The following EYS variants were observed in gnomAD, a reference collection of about 807,000 sequenced individuals.
EYS encodes EGF-like photoreceptor maintenance factor.
A neutral mutation model predicts 282.1 loss-of-function variants in EYS; 250 were observed. That is an observed-to-expected ratio of 0.89 (90% CI 0.80 to 0.98). The LOEUF is 0.98. EYS is among the 50% of genes least tolerant of loss of function. The pLI is 0.00. For missense variants in EYS, 4,016 were observed against 3,709.0 expected (o/e 1.08, Z -2.15); for synonymous variants, 1,355 against 1,282.9 (o/e 1.06, Z -1.20).
chr6:64,474,629 T>C (rs1776210252), intron 26 of EYS, among the ~76,000 whole-genome samples: 1 of 152,192 alleles, frequency 6.6e-6, no homozygotes, highest in Non-Finnish European at 1.5e-5. Flanking sequence ...TTCATCAGAA[T>C]TGATTTGACA....
At chr6:64,047,191 A>C (rs1770657484) in intron 33 of EYS, among the ~76,000 whole-genome samples, 1 of 151,956 alleles carries the variant, frequency 6.6e-6, no homozygotes, top group Admixed American at 6.6e-5. Flanking sequence ...TAAAAAAAAA[A>C]CAAGATAAAA....
At chr6:65,675,980 C>T (rs1768574052) in intron 1 of EYS, among the ~76,000 whole-genome samples, 2 of 151,790 alleles carry the variant, frequency 1.3e-5, no homozygotes, top group Admixed American at 6.6e-5. Flanking sequence ...AACTAACACA[C>T]TACCAATGGA....
At chr6:65,227,111 T>C (rs963251919) in intron 12 of EYS, among the ~76,000 whole-genome samples, 1 of 144,270 alleles carries the variant, frequency 6.9e-6, no homozygotes, top group Non-Finnish European at 1.5e-5. Context: ...TGCATGTCTG[T>C]AATCCCAGCT....
At position 64,281,109 on chromosome 6, in the gene EYS, A is replaced by G. The variant is rs553209481; in HGVS notation, c.6191+25861T>C. On this transcript the variant is annotated intron_variant, in intron 30 of 42. Transcript: ENST00000503581. ...AGCATTCTGCCCTAATATTCAAAATATAAACAAAAATTGATATACTTAATG... is the reference window on the plus strand; with the variant it reads ...AGCATTCTGCCCTAATATTCAAAATGTAAACAAAAATTGATATACTTAATG... 4.8e-4 allele frequency among the ~76,000 whole-genome samples: 73 copies of G among 152,258 alleles called. 1 individual carries two copies. The highest frequency in any genetic ancestry group is 3.4e-3 in the Middle Eastern group (1 of 294).
chr6:64,170,817 T>C (rs1211619896), intron 31 of EYS, among the ~76,000 whole-genome samples: 1 of 152,108 alleles, frequency 6.6e-6, no homozygotes, highest in African/African-American at 2.4e-5. Flanking sequence ...CTCATTTTTA[T>C]GTAGCATTTC....
intron 5 of EYS, among the ~76,000 whole-genome samples, chr6:65,476,219 C>G (rs1765399903): frequency 6.6e-6 from 1 of 152,070 alleles, no homozygotes; most frequent in East Asian, 1.9e-4. Context: ...TTTGTTTTAT[C>G]AAACAGAATA....
chr6:65,451,346 C>A (rs1764390044), intron 5 of EYS, among the ~76,000 whole-genome samples: 1 of 152,004 alleles, frequency 6.6e-6, no homozygotes, highest in Non-Finnish European at 1.5e-5. Context: ...ACAATTTTGA[C>A]CATGCTTTCA....
chr6:65,120,257 A>G (rs993393576), intron 12 of EYS, among the ~76,000 whole-genome samples: 1 of 151,508 alleles, frequency 6.6e-6, no homozygotes, highest in Non-Finnish European at 1.5e-5. Flanking sequence ...ATGAAAATCT[A>G]CCTCTTCCCC....
chr6:63,851,127 T>C (rs1435159294), intron 36 of EYS, among the ~76,000 whole-genome samples: 1 of 152,200 alleles, frequency 6.6e-6, no homozygotes, highest in Non-Finnish European at 1.5e-5. Flanking sequence ...GAGCTAACTA[T>C]TCTAAATATA....
At chr6:65,075,665 ATAC>A (rs1774027792) in intron 12 of EYS, among the ~76,000 whole-genome samples, 1 of 151,958 alleles carries the variant, frequency 6.6e-6, no homozygotes, top group Admixed American at 6.6e-5. Context: ...CCTACACAGA[ATAC>A]TAGTTCCTGC....
intron 22 of EYS, among the ~76,000 whole-genome samples, chr6:64,773,143 C>T (rs1773575314): frequency 6.6e-6 from 1 of 151,760 alleles, no homozygotes. Context: ...ACTTTCCACC[C>T]TCAAGTAGTC....
intron 5 of EYS, among the ~76,000 whole-genome samples, chr6:65,442,076 G>A (rs181262395): frequency 6.6e-6 from 1 of 151,904 alleles, no homozygotes; most frequent in East Asian, 1.9e-4. Context: ...AGAATTTATA[G>A]TAATTTTATT....
At chr6:64,125,950 G>C (rs568636888) in intron 31 of EYS, among the ~76,000 whole-genome samples, 1 of 151,114 alleles carries the variant, frequency 6.6e-6, no homozygotes, top group South Asian at 2.1e-4. Flanking sequence ...TAAGTTTTAG[G>C]GTACACGTGC....
intron 31 of EYS, among the ~76,000 whole-genome samples, chr6:64,164,206 C>A (rs371569365): frequency 6.6e-6 from 1 of 152,074 alleles, no homozygotes; most frequent in African/African-American, 2.4e-5. Flanking sequence ...TGCTAAAGGG[C>A]AATATCTTAA....
intron 24 of EYS, among the ~76,000 whole-genome samples, chr6:64,615,705 C>T (rs997048947): frequency 1.3e-5 from 2 of 152,018 alleles, no homozygotes; most frequent in Non-Finnish European, 2.9e-5. Context: ...GTTGAATCTC[C>T]CTTATCTCAT....
intron 34 of EYS, among the ~76,000 whole-genome samples, chr6:63,988,882 C>T (rs1306845837): frequency 3.3e-5 from 5 of 151,458 alleles, no homozygotes; most frequent in East Asian, 3.9e-4. Flanking sequence ...TTTTATGATA[C>T]GTATGAATAA....
intron 26 of EYS, among the ~76,000 whole-genome samples, chr6:64,485,710 A>G (rs569755427): frequency 2.0e-5 from 3 of 151,522 alleles, no homozygotes; most frequent in Non-Finnish European, 4.4e-5. Context: ...CACCAAATGA[A>G]GCATGTCATA....
chr6:65,168,056 C>A (rs1214560731), intron 12 of EYS, among the ~76,000 whole-genome samples: 1 of 148,872 alleles, frequency 6.7e-6, no homozygotes, highest in Non-Finnish European at 1.5e-5. Context: ...CCCTTGGGGA[C>A]TGCTGTATTC....
intron 22 of EYS, among the ~76,000 whole-genome samples, chr6:64,660,674 T>C (rs1379443925): frequency 6.6e-6 from 1 of 152,110 alleles, no homozygotes; most frequent in East Asian, 1.9e-4. Flanking sequence ...GGAATCCAAT[T>C]TACAAGGGAT....
Sources: allele counts gnomAD v4.1 joint callset (sites outside exome capture counted in the v4.1 genomes callset), GRCh38; gene constraint gnomAD v4.1.1; transcripts MANE v1.5; gene names NCBI Gene and HGNC (gene_info 2026-07-23, HGNC 2026-07-21).